Variants in KCNB2 observed in about 807,000 individuals in gnomAD.
KCNB2 encodes delayed rectifier potassium channel protein.
KCNB2 carries 15 observed loss-of-function variants against 61.5 expected under a neutral mutation model. The observed-to-expected ratio is 0.24, with a 90% confidence interval of 0.16 to 0.38. The LOEUF is 0.38. Ranked by LOEUF, KCNB2 falls within the 10% of genes least tolerant of loss-of-function variation. KCNB2 has a pLI of 1.00. For missense variants in KCNB2, 828 were observed against 1,125.2 expected, an observed-to-expected ratio of 0.74 and a Z score of 3.78; for synonymous variants, 457 against 446.0, an observed-to-expected ratio of 1.02 and a Z score of -0.31.
intron 2 of KCNB2, among the ~76,000 whole-genome samples, chr8:72,826,551 A>G (rs188918373): frequency 1.4e-3 from 211 of 152,328 alleles, no homozygotes; most frequent in Non-Finnish European, 2.6e-3. Flanking sequence ...AATAGGTTTA[A>G]ATTGCAGCAT....
At chr8:72,869,645 A>G (rs1029251006) in intron 2 of KCNB2, among the ~76,000 whole-genome samples, 5 of 152,222 alleles carry the variant, frequency 3.3e-5, no homozygotes, top group African/African-American at 1.2e-4. Context: ...CAAAACCACA[A>G]TGAAATATCG....
chr8:72,895,678 C>G (rs779911743), intron 2 of KCNB2, among the ~76,000 whole-genome samples: 1 of 152,058 alleles, frequency 6.6e-6, no homozygotes, highest in Admixed American at 6.6e-5. Context: ...GGATGAGAGA[C>G]GAACATAAAG....
intron 1 of KCNB2, among the ~76,000 whole-genome samples, chr8:72,544,477 T>A (rs1297208870): frequency 6.6e-6 from 1 of 152,206 alleles, no homozygotes; most frequent in Non-Finnish European, 1.5e-5. Context: ...AAAAGATTGA[T>A]ACTTTGGAGA....
chr8:72,830,275 T>TGAGAGAAG (rs1585917629), intron 2 of KCNB2, among the ~76,000 whole-genome samples: 2 of 128,008 alleles, frequency 1.6e-5, no homozygotes, highest in Admixed American at 8.5e-5. Context: ...GAAAATAGAG[T>TGAGAGAAG]GAGAGAAGGA....
intron 2 of KCNB2, among the ~76,000 whole-genome samples, chr8:72,729,403 G>A (rs1807704088): frequency 6.6e-6 from 1 of 152,174 alleles, no homozygotes; most frequent in African/African-American, 2.4e-5. Context: ...TCACAGGGAG[G>A]CCAATTTCCT....
chr8:72,626,529 T>C (rs1805791975), intron 2 of KCNB2, among the ~76,000 whole-genome samples: 1 of 152,218 alleles, frequency 6.6e-6, no homozygotes, highest in Non-Finnish European at 1.5e-5. Context: ...GAATTGCAGT[T>C]ATGGTTGTTA....
At chr8:72,685,769 C>T (rs565073940) in intron 2 of KCNB2, among the ~76,000 whole-genome samples, 4 of 152,140 alleles carry the variant, frequency 2.6e-5, no homozygotes, top group African/African-American at 4.8e-5. Context: ...GCAGGCAGAT[C>T]GCCTGAGGTC....
At chr8:72,760,232 G>A (rs950824063) in intron 2 of KCNB2, among the ~76,000 whole-genome samples, 4 of 152,202 alleles carry the variant, frequency 2.6e-5, no homozygotes, top group African/African-American at 9.7e-5. Context: ...CAAGTTAACT[G>A]ACCTCTCTGA....
At chr8:72,692,584 A>G (rs929232608) in intron 2 of KCNB2, among the ~76,000 whole-genome samples, 1 of 152,162 alleles carries the variant, frequency 6.6e-6, no homozygotes, top group Non-Finnish European at 1.5e-5. Flanking sequence ...ATAAAGAGGC[A>G]TTTGAATTCT....
intron 1 of KCNB2, among the ~76,000 whole-genome samples, chr8:72,555,417 A>G (rs1037235302): frequency 6.6e-6 from 1 of 151,830 alleles, no homozygotes. Context: ...AATTTTACTT[A>G]TGGGCATTTT....
At chr8:72,686,265 T>C (rs1207039559) in intron 2 of KCNB2, among the ~76,000 whole-genome samples, 1 of 152,150 alleles carries the variant, frequency 6.6e-6, no homozygotes, top group Non-Finnish European at 1.5e-5. Flanking sequence ...CTTGTTGGAG[T>C]GTAGCCTGGG....
At chr8:72,665,961 G>A (rs1806464219) in intron 2 of KCNB2, among the ~76,000 whole-genome samples, 1 of 152,236 alleles carries the variant, frequency 6.6e-6, no homozygotes, top group Non-Finnish European at 1.5e-5. Context: ...CACTTGGAGA[G>A]GAGGGAACTG....
intron 2 of KCNB2, among the ~76,000 whole-genome samples, chr8:72,819,527 C>T (rs1352992003): frequency 6.6e-6 from 1 of 151,990 alleles, no homozygotes; most frequent in African/African-American, 2.4e-5. Flanking sequence ...GTCTCTGTTG[C>T]ATGAGATAAT....
chr8:72,576,654 C>T (rs1332993349), intron 2 of KCNB2, among the ~76,000 whole-genome samples: 1 of 152,230 alleles, frequency 6.6e-6, no homozygotes, highest in East Asian at 1.9e-4. Context: ...AGCTGTTCCA[C>T]ATAGTATGTG....
intron 2 of KCNB2, among the ~76,000 whole-genome samples, chr8:72,705,080 A>C (rs1301379156): frequency 6.6e-6 from 1 of 152,186 alleles, no homozygotes; most frequent in Non-Finnish European, 1.5e-5. Context: ...GGGAGGTAAT[A>C]AAGCCTAGGG....
chr8:72,883,122 G>T (rs552820549), intron 2 of KCNB2, among the ~76,000 whole-genome samples: 1 of 152,302 alleles, frequency 6.6e-6, no homozygotes, highest in South Asian at 2.1e-4. Context: ...TCTCTGCAAG[G>T]CCAGATGGTT....
intron 2 of KCNB2, among the ~76,000 whole-genome samples, chr8:72,593,810 T>C (rs1807141416): frequency 6.6e-6 from 1 of 152,218 alleles, no homozygotes; most frequent in South Asian, 2.1e-4. Context: ...TAGAATCTGC[T>C]GGGTTATGGT....
chr8:72,727,752 C>A (rs1416738409), intron 2 of KCNB2, among the ~76,000 whole-genome samples: 1 of 152,054 alleles, frequency 6.6e-6, no homozygotes, highest in Non-Finnish European at 1.5e-5. Flanking sequence ...GAGGATTAGA[C>A]AAGAGATCAT....
At chr8:72,678,556 G>T (rs1169930003) in intron 2 of KCNB2, among the ~76,000 whole-genome samples, 1 of 152,164 alleles carries the variant, frequency 6.6e-6, no homozygotes, top group Non-Finnish European at 1.5e-5. Context: ...TGGCCATATG[G>T]CTCACTTCCT....
Sources: allele counts gnomAD v4.1 joint callset (sites outside exome capture counted in the v4.1 genomes callset), GRCh38; gene constraint gnomAD v4.1.1; transcripts MANE v1.5; gene names NCBI Gene and HGNC (gene_info 2026-07-23, HGNC 2026-07-21).